Variants in POMT2 observed in about 807,000 individuals in gnomAD.
POMT2 encodes the protein protein O-mannosyltransferase 2, also known as protein O-mannosyl-transferase 2.
POMT2 carries 75 observed loss-of-function variants against 100.0 expected under a neutral mutation model. That is an observed-to-expected ratio of 0.75 (90% CI 0.62 to 0.91). The LOEUF (loss-of-function observed/expected upper bound fraction) is 0.91, where lower values mean the gene tolerates loss of function less well. Ranked by LOEUF, POMT2 falls within the 40% of genes least tolerant of loss-of-function variation. POMT2 has a pLI of 0.00. For synonymous variants in POMT2, 378 were observed against 374.1 expected, an observed-to-expected ratio of 1.01 and a Z score of -0.12; for missense variants, 940 against 955.1, an observed-to-expected ratio of 0.98 and a Z score of 0.21.
intron 5 of POMT2, 114 bp from the exon 6 acceptor site, chr14:77,301,363 T>C (rs1891035468): frequency 1.4e-6 from 2 of 1,391,918 alleles, no homozygotes; most frequent in African/African-American, 2.9e-5. Context: ...TGCCCTGTCT[T>C]GGGGGCTCTT....
At chr14:77,311,847 C>T in intron 2 of POMT2, 102 bp downstream of exon 2, 1 of 1,506,120 alleles carries the variant, frequency 6.6e-7, no homozygotes, top group East Asian at 2.4e-5. Flanking sequence ...CTACAAGTCC[C>T]AAATTCTTTC....
At chr14:77,283,973 C>A (rs1244486005) in intron 14 of POMT2, 100 bp from the exon 15 acceptor site, 2 of 1,021,158 alleles carry the variant, frequency 2.0e-6, no homozygotes, top group Admixed American at 3.6e-5. Context: ...TGCAGCCTTG[C>A]TGACAAGTTC....
Position 77,289,673 on chromosome 14 carries a change from A to G in POMT2, c.1184-842T>C, listed in dbSNP as rs530211322. Reference sequence around the variant, plus strand: ...TGCCCAACTCTCCTCAAAATCAAATAAACCCTGACAATCTTGCCAGCGAGT... The same window carrying G: ...TGCCCAACTCTCCTCAAAATCAAATGAACCCTGACAATCTTGCCAGCGAGT... On this transcript the variant is annotated intron_variant, in intron 10 of 20. Coordinates refer to ENST00000261534, the MANE Select transcript of POMT2 (RefSeq NM_013382.7). Among the ~76,000 whole-genome samples, 4 of 152,326 alleles carry G rather than the reference A, an allele frequency of 2.6e-5. No homozygotes were observed. The South Asian group carries it at 8.3e-4, about 32-fold the overall frequency.
Position 77,320,837 on chromosome 14 carries a change from G to A in POMT2, c.-156C>T, listed in dbSNP as rs1891873372. The A allele has an allele frequency of 1.5e-6, 2 of 1,350,830 alleles. No individual in the cohort carries two copies. The highest frequency in any genetic ancestry group is 3.1e-5 in the African/African-American group (2 of 64,614). 83.7% of individuals were successfully genotyped at this position (1,350,830 alleles called of 1,614,324 possible). ...CGGGGCCCCGGGCTCGGGGCGGGGC[G>A]GGCAGCGTGGTCGCGGCCCGGGCCG... On this transcript the variant is annotated 5_prime_UTR_variant, in exon 1 of 21. Transcript: ENST00000261534.
At chr14:77,292,348 T>G (rs955520871) in intron 9 of POMT2, among the ~76,000 whole-genome samples, 1 of 152,376 alleles carries the variant, frequency 6.6e-6, no homozygotes, top group South Asian at 2.1e-4. Context: ...TACCAGGCAC[T>G]GTTCTAAGCA....
At chr14:77,297,188 G>A (rs1890863393) in intron 8 of POMT2, among the ~76,000 whole-genome samples, 1 of 152,222 alleles carries the variant, frequency 6.6e-6, no homozygotes, top group African/African-American at 2.4e-5. Flanking sequence ...GTTCTTCTGA[G>A]TTCTCAGGCA....
In POMT2 at chr14:77,291,342, C is replaced by A; in HGVS notation, c.1155G>T (p.Trp385Cys). 1 of 1,596,878 alleles carries A rather than the reference C, an allele frequency of 6.3e-7. No homozygotes were observed. The highest frequency in any genetic ancestry group is 8.5e-7 in the Non-Finnish European group (1 of 1,177,592). Residue 385 changes from tryptophan (W) to cysteine (C), a missense_variant, in exon 10 of 21, where the codon TGG becomes TGT. Trp to Cys is a radical substitution (Grantham distance 215). Coordinates refer to ENST00000261534, the MANE Select transcript of POMT2 (RefSeq NM_013382.7). ...AGTTTGTGTTATGTTTCTTGATAAT[C>A]CACAGGTTGTTGTAGTCCTTGTGCA... Reference protein sequence around the residue: ...TYLHKDYNNLWIIKKHNTNSD... With the variant: ...TYLHKDYNNLCIIKKHNTNSD...
intron 10 of POMT2, among the ~76,000 whole-genome samples, chr14:77,289,129 G>A (rs1429153271): frequency 9.9e-5 from 15 of 151,886 alleles, no homozygotes; most frequent in African/African-American, 3.4e-4. Context: ...AGTGGCTCAC[G>A]CCTGTAATCC....
chr14:77,311,986 C>A lies in POMT2; in HGVS notation c.296G>T (p.Arg99Leu). The change falls in exon 2 of 21, where the codon CGT (arginine) becomes CTT (leucine). Residue 99 changes from arginine to leucine, a missense_variant. By Grantham distance (102) the Arg-to-Leu change is moderately radical. Coordinates refer to ENST00000261534, the MANE Select transcript of POMT2 (RefSeq NM_013382.7). ...FGKMGSYYINRTFFFDVHPPL... is the reference protein window; with the variant it reads ...FGKMGSYYINLTFFFDVHPPL... ...CGGGTGCACATCAAAGAAAAATGTA[C>A]GGTTGATATAGTAACTTCCCATTTT... The A allele has an allele frequency of 6.2e-7, 1 of 1,613,976 alleles. No homozygotes were observed. The highest frequency in any genetic ancestry group is 8.5e-7 in the Non-Finnish European group (1 of 1,179,932).
chr14:77,300,740 T>G, intron 6 of POMT2: 2 of 309,790 alleles, frequency 6.5e-6, no homozygotes, highest in South Asian at 5.7e-5. Context: ...GAATCACTCG[T>G]ACCCAGGAGG....
In POMT2 at chr14:77,276,793, G is replaced by A. The variant is rs908829298; in HGVS notation, c.*583C>T. The A allele has an allele frequency of 3.2e-5, 5 of 153,860 alleles. No individual in the cohort carries two copies. In the South Asian group the frequency reaches 6.1e-4, roughly 19 times the overall value. 9.5% of individuals were successfully genotyped at this position (153,860 alleles called of 1,614,324 possible). A position where few individuals can be genotyped will look rare whatever the true frequency, so the allele number is the denominator to read the frequency against. Reference sequence around the variant, plus strand: ...CTCGGGGCGGCGCGCCTTCCTCCACGCTGGATTCATTTGTTTGTGGGAGGG... The same window carrying A: ...CTCGGGGCGGCGCGCCTTCCTCCACACTGGATTCATTTGTTTGTGGGAGGG... On this transcript the variant is annotated 3_prime_UTR_variant, in exon 21 of 21. Transcript: ENST00000261534.
Position 77,279,838 on chromosome 14 carries a change from G to T in POMT2, c.1876C>A (p.Pro626Thr). Residue 626 changes from proline (P) to threonine (T), a missense_variant, in exon 18 of 21, where the codon CCA becomes ACA. Coordinates refer to ENST00000261534, the MANE Select transcript of POMT2 (RefSeq NM_013382.7). ...AGGACCTGACCTGCAACCTCCGCTGGCAGCCGTGCCCCTCTCTGCATGGCT... is the reference window on the plus strand; with the variant it reads ...AGGACCTGACCTGCAACCTCCGCTGTCAGCCGTGCCCCTCTCTGCATGGCT... ...AVAMQRGARL[P>T]AEVAGLSQVL... 2 of 1,613,654 alleles carry T rather than the reference G, an allele frequency of 1.2e-6. No individual in the cohort carries two copies. Among genetic ancestry groups the T allele is most frequent in the Non-Finnish European group, 1.7e-6 (2 of 1,179,954 alleles).
In POMT2 at chr14:77,296,223, C is replaced by A. The variant is rs267606970; in HGVS notation, c.1057G>T (p.Gly353Cys). 1.2e-6 allele frequency: 2 copies of A among 1,609,180 alleles called. No homozygotes were observed. Among genetic ancestry groups the A allele is most frequent in the African/African-American group, 1.3e-5 (1 of 74,868 alleles). The change falls in exon 9 of 21, where the codon GGC (glycine) becomes TGC (cysteine). Residue 353 changes from glycine (G) to cysteine (C), a missense_variant. Transcript: ENST00000261534. ...AGGTGCCTGTGGGAGTGCAGATAGC[C>A]GATGGCCATCCGGAGGTTCTTCACA... ...ITVKNLRMAI[G>C]YLHSHRHLYP...
chr14:77,297,343 T>C (rs1389912037), intron 8 of POMT2, among the ~76,000 whole-genome samples: 1 of 152,240 alleles, frequency 6.6e-6, no homozygotes, highest in Admixed American at 6.5e-5. Context: ...CATTCCCCAG[T>C]GATCTGACCT....
chr14:77,320,471 T>G lies in POMT2; in HGVS notation c.211A>C (p.Thr71Pro), dbSNP rs1416603181. Reference protein sequence around the residue: ...LALVTLLSFATRFHRLDEPPH... With the variant: ...LALVTLLSFAPRFHRLDEPPH... ...GGCTCGTCCAAGCGGTGGAAGCGGGTGGCGAAGGACAGCAGCGTCACCAAG... is the reference window on the plus strand; with the variant it reads ...GGCTCGTCCAAGCGGTGGAAGCGGGGGGCGAAGGACAGCAGCGTCACCAAG... Residue 71 changes from threonine (T) to proline (P), a missense_variant, in exon 1 of 21, where the codon ACC (threonine) becomes CCC (proline). By Grantham distance (38) the Thr-to-Pro change is conservative. Coordinates refer to ENST00000261534, the MANE Select transcript of POMT2 (RefSeq NM_013382.7). The G allele has an allele frequency of 6.5e-7, 1 of 1,545,486 alleles. No individual in the cohort carries two copies. The highest frequency in any genetic ancestry group is 1.4e-5 in the African/African-American group (1 of 73,116).
rs754150493 is a variant in POMT2 at position 77,277,417 on chromosome 14, G to A, written c.2212C>T (p.Pro738Ser). 1 of 1,614,158 alleles carries A rather than the reference G, an allele frequency of 6.2e-7. No individual in the cohort carries two copies. The highest frequency in any genetic ancestry group is 1.1e-5 in the South Asian group (1 of 91,082). The change falls in exon 21 of 21, where the codon CCA (proline) becomes TCA (serine). Residue 738 changes from proline to serine, a missense_variant. Transcript: ENST00000261534. ...VGPLAQDPQS[P>S]MAGLRWLDSW... is the part of the protein sequence containing the mutation. Reference sequence around the variant, plus strand: ...TCCAGCCACCTTAGTCCTGCCATTGGACTTTGGGGGTCCTGGGCCAGGGGA... The same window carrying A: ...TCCAGCCACCTTAGTCCTGCCATTGAACTTTGGGGGTCCTGGGCCAGGGGA...
rs727502855 is a variant in POMT2, at chr14:77,286,815, G to A, written c.1261C>T (p.Arg421Trp). The A allele has an allele frequency of 1.9e-5, 31 of 1,614,006 alleles. No homozygotes were observed. The highest frequency in any genetic ancestry group is 9.9e-5 in the South Asian group (9 of 91,080). Residue 421 changes from arginine to tryptophan, a missense_variant, in exon 12 of 21, where the codon CGG becomes TGG. Coordinates refer to ENST00000261534, the MANE Select transcript of POMT2 (RefSeq NM_013382.7). ...IIRLEHKETS[R>W]NLHSHYHEAP... ...TCATGATAGTGACTGTGCAAGTTCC[G>A]GGAAGTTCTAGAAGTTAGAAAAGAG...
In POMT2 at chr14:77,302,936, T is replaced by G; in HGVS notation, c.555A>C (p.Gly185=). ...GGATGTACTGGGACAGAGTGAGGCA[T>G]CCCGTGTCTGAAAAACATGAGCTCG... ...LTAALLTFDT[G]CLTLSQYILL... is the part of the protein sequence containing the mutation. The change falls in exon 5 of 21, where the codon GGA becomes GGC. Residue 185 remains glycine, a synonymous_variant. Transcript: ENST00000261534. 6.2e-7 allele frequency: 1 copy of G among 1,611,896 alleles called. No individual in the cohort carries two copies. The highest frequency in any genetic ancestry group is 8.5e-7 in the Non-Finnish European group (1 of 1,178,384).
rs78314442 is a variant in POMT2 at position 77,306,070 on chromosome 14, T to C, written c.438+267A>G. On this transcript the variant is annotated intron_variant, in intron 3 of 20. Transcript: ENST00000261534. ...TGTTCTCCAACCTGAGGTCTGACAG[T>C]ATACCGGGGCAGGGCAGCAGGTGAC... Among the ~76,000 whole-genome samples, 3,862 of 152,270 alleles carry C rather than the reference T, an allele frequency of 0.025. 169 individuals carry two copies. Among genetic ancestry groups the C allele is most frequent in the African/African-American group, 0.089 (3,677 of 41,530 alleles).
Sources: gnomAD v4.1 joint callset for allele counts (sites outside exome capture counted in the v4.1 genomes callset) on GRCh38, gnomAD v4.1.1 for gene constraint, MANE v1.5 for transcripts, NCBI Gene and HGNC (gene_info 2026-07-23, HGNC 2026-07-21) for gene names.